Variants in TAF1C observed in about 807,000 individuals in gnomAD.
The protein encoded by TAF1C is TATA-box binding protein associated factor, RNA polymerase I subunit C, also known as TATA box-binding protein-associated factor RNA polymerase I subunit C.
Under a neutral mutation model 70.5 loss-of-function variants are expected in TAF1C, and 79 were observed. The observed-to-expected ratio is 1.12, with a 90% CI of 0.93 to 1.35. The LOEUF (loss-of-function observed/expected upper bound fraction) is 1.35, where lower values mean the gene tolerates loss of function less well. Ranked by LOEUF, TAF1C falls within the 40% of genes most tolerant of loss-of-function variation. TAF1C has a pLI of 0.00. For synonymous variants in TAF1C, 614 were observed against 491.1 expected (o/e 1.25, Z -3.31); for missense variants, 1,412 against 1,127.8 (o/e 1.25, Z -3.61).
At position 84,185,147 on chromosome 16, in the gene TAF1C, A is replaced by G; in HGVS notation, c.-72-87T>C. ...ACAAATATGTAGCCCAAGGCCAAGC[A>G]GTAGTGAGAACTGTATTAAAGCCAA... is the stretch of plus-strand genomic sequence containing the variant. On this transcript the variant is annotated intron_variant, in intron 1 of 14. Transcript: ENST00000566732. The G allele has an allele frequency of 9.2e-6, 8 of 867,076 alleles. No individual in the cohort carries two copies. The South Asian group carries it at 1.5e-4, about 17-fold the overall frequency. 53.7% of individuals were successfully genotyped at this position (867,076 alleles called of 1,614,324 possible). A position where few individuals can be genotyped will look rare whatever the true frequency, so the allele number is the denominator to read the frequency against.
In TAF1C at chr16:84,179,603, G is replaced by C. The variant is rs767051955; in HGVS notation, c.1870C>G (p.Pro624Ala). Residue 624 changes from proline to alanine, a missense_variant, in exon 15 of 15, where the codon CCT (proline) becomes GCT (alanine). Pro to Ala is a conservative substitution (Grantham distance 27). Coordinates refer to ENST00000566732, the MANE Select transcript of TAF1C (RefSeq NM_001243156.2). Reference sequence around the variant, plus strand: ...AAGGTGGGTGCTGTCCACACAGGAGGAGCCAGGGGCACTTTTAGCAGGGCC... The same window carrying C: ...AAGGTGGGTGCTGTCCACACAGGAGCAGCCAGGGGCACTTTTAGCAGGGCC... ...LKALLKVPLA[P>A]PVWTAPTFTH... The C allele has an allele frequency of 1.2e-5, 20 of 1,612,638 alleles. 1 individual carries two copies. Among genetic ancestry groups the C allele is most frequent in the South Asian group, 1.1e-4 (10 of 91,064 alleles).
At chr16:84,184,815 C>T in intron 2 of TAF1C, 36 bp downstream of exon 2, 1 of 1,568,132 alleles carries the variant, frequency 6.4e-7, no homozygotes, top group African/African-American at 1.4e-5. Flanking sequence ...AAGGGATGTC[C>T]CTGGAGCTGC....
chr16:84,186,658 T>C (rs2089504416), intron 1 of TAF1C, among the ~76,000 whole-genome samples: 1 of 152,180 alleles, frequency 6.6e-6, no homozygotes, highest in Non-Finnish European at 1.5e-5. Flanking sequence ...ACAAAAGCCC[T>C]CAGACAAGGC....
rs970239714 is a variant in TAF1C at position 84,182,949 on chromosome 16, C to A, written c.482+127G>T. 1.2e-5 allele frequency: 11 copies of A among 909,300 alleles called. No individual in the cohort carries two copies. The African/African-American group carries it at 1.3e-4, about 11-fold the overall frequency. The allele number at this position is 909,300 out of a possible 1,614,324, so 56.3% of individuals were successfully genotyped here. A position where few individuals can be genotyped will look rare whatever the true frequency, so the allele number is the denominator to read the frequency against. ...GTTGGAAGTCTGGTATAAGAAAGTA[C>A]AGCTCAGACTGCATGGAGCAGGGGG... On this transcript the variant is annotated intron_variant, in intron 6 of 14. Transcript: ENST00000566732. The surrounding 1 kb of genome is among the most constrained non-coding windows in gnomAD (Gnocchi z 5.0).
At position 84,186,971 on chromosome 16, in the gene TAF1C, C is replaced by T. The variant is rs887964162; in HGVS notation, c.-143G>A. 1 of 152,250 alleles carries T rather than the reference C, an allele frequency of 6.6e-6. No homozygotes were observed. Among genetic ancestry groups the T allele is most frequent in the African/African-American group, 2.4e-5 (1 of 41,470 alleles). 9.4% of individuals were successfully genotyped at this position (152,250 alleles called of 1,614,324 possible). A position where few individuals can be genotyped will look rare whatever the true frequency, so the allele number is the denominator to read the frequency against. On this transcript the variant is annotated 5_prime_UTR_variant, in exon 1 of 15. It adds an upstream start codon to the 5' untranslated region. Transcript: ENST00000566732. ...TGATGCTCGCCGGACCCTGGCACCA[C>T]GAGGGAAATCTCAAGTAGAACCCCA...
chr16:84,186,904 AC>A lies in TAF1C; in HGVS notation c.-77del, dbSNP rs1360401914. 6.6e-6 allele frequency: 1 copy of A among 152,136 alleles called. No individual in the cohort carries two copies. The highest frequency in any genetic ancestry group is 1.5e-5 in the Non-Finnish European group (1 of 68,018). 9.4% of individuals were successfully genotyped at this position (152,136 alleles called of 1,614,324 possible). ...GGGGGCGCATGCGTGCACTTACGTG[AC>A]CCCGGCCTCGTCGTGGTCGTCTGGA... On this transcript the variant is annotated 5_prime_UTR_variant, in exon 1 of 15. Transcript: ENST00000566732.
chr16:84,183,298 G>C lies in TAF1C; in HGVS notation c.354C>G (p.Ala118=). The C allele has an allele frequency of 6.2e-7, 1 of 1,613,988 alleles. No individual in the cohort carries two copies. Among genetic ancestry groups the C allele is most frequent in the East Asian group, 2.2e-5 (1 of 44,880 alleles). ...GCATCAGCTTCCCCAGGGGCGCAAAGGCTACGTCTCCATGATCCAAGAGGA... is the reference window on the plus strand; with the variant it reads ...GCATCAGCTTCCCCAGGGGCGCAAACGCTACGTCTCCATGATCCAAGAGGA... ...SRFLLDHGDV[A]FAPLGKLMLE... is the part of the protein sequence containing the mutation. The change falls in exon 5 of 15, where the codon GCC becomes GCG. Residue 118 remains alanine, a synonymous_variant. Coordinates refer to ENST00000566732, the MANE Select transcript of TAF1C (RefSeq NM_001243156.2).
At position 84,186,968 on chromosome 16, in the gene TAF1C, C is replaced by A. The variant is rs1197211912; in HGVS notation, c.-140G>T. 2 of 152,282 alleles carry A rather than the reference C, an allele frequency of 1.3e-5. No individual in the cohort carries two copies. Among genetic ancestry groups the A allele is most frequent in the Non-Finnish European group, 2.9e-5 (2 of 68,056 alleles). The allele number at this position is 152,282 out of a possible 1,614,324, so 9.4% of individuals were successfully genotyped here. On this transcript the variant is annotated 5_prime_UTR_variant, in exon 1 of 15. Transcript: ENST00000566732. Reference sequence around the variant, plus strand: ...GCGTGATGCTCGCCGGACCCTGGCACCACGAGGGAAATCTCAAGTAGAACC... The same window carrying A: ...GCGTGATGCTCGCCGGACCCTGGCAACACGAGGGAAATCTCAAGTAGAACC...
At position 84,183,720 on chromosome 16, in the gene TAF1C, A is replaced by T; in HGVS notation, c.197T>A (p.Leu66His). The T allele has an allele frequency of 6.2e-7, 1 of 1,612,874 alleles. No individual in the cohort carries two copies. Among genetic ancestry groups the T allele is most frequent in the Non-Finnish European group, 8.5e-7 (1 of 1,179,300 alleles). ...ACCGATGAGGGGAGGCAGCATGGGG[A>T]GAGGCCCAGGGGTTGCCGGCTCCCA... ...LLWEPATPGPLPMLPPLIDPW... is the reference protein window; with the variant it reads ...LLWEPATPGPHPMLPPLIDPW... The change falls in exon 3 of 15, where the codon CTC becomes CAC. Residue 66 changes from leucine (L) to histidine (H), a missense_variant. Leu to His is a moderately conservative substitution (Grantham distance 99). Transcript: ENST00000566732.
rs1473439453 is a variant in TAF1C at position 84,185,089 on chromosome 16, G to A, written c.-72-29C>T. 9.8e-5 allele frequency: 136 copies of A among 1,394,092 alleles called. 1 individual carries two copies. The East Asian group carries it at 3.3e-3, about 34-fold the overall frequency. 86.4% of individuals were successfully genotyped at this position (1,394,092 alleles called of 1,614,324 possible). On this transcript the variant is annotated intron_variant, in intron 1 of 14. Transcript: ENST00000566732. ...AGGAGTGAAAAGTGCACTACGGGAA[G>A]CATATGTTCTTTGAGGAAGCAGATA... is the stretch of plus-strand genomic sequence containing the variant.
Position 84,178,042 on chromosome 16 carries a change from C to G in TAF1C, c.*899G>C, listed in dbSNP as rs577559079. The G allele has an allele frequency of 5.2e-6, 3 of 576,654 alleles. No homozygotes were observed. The allele number at this position is 576,654 out of a possible 1,614,324, so 35.7% of individuals were successfully genotyped here. A position where few individuals can be genotyped will look rare whatever the true frequency, so the allele number is the denominator to read the frequency against. ...CATCAGAAACCAGACAGACCCGGGT[C>G]CCTGCAAAATCTCAAGTGAGCATTT... is the stretch of plus-strand genomic sequence containing the variant. On this transcript the variant is annotated 3_prime_UTR_variant, in exon 15 of 15. Transcript: ENST00000566732.
Position 84,181,134 on chromosome 16 carries a change from C to A in TAF1C, c.1217G>T (p.Cys406Phe). ...LLFRLGAEAS[C>F]QKGERVLLTQ... ...AAGCAGGACACGTTCCCCTTTCTGG[C>A]ACGAAGCCTCTGCCCCCAAACGAAA... is the stretch of plus-strand genomic sequence containing the variant. The change falls in exon 12 of 15, where the codon TGC becomes TTC. Residue 406 changes from cysteine (C) to phenylalanine (F), a missense_variant. By Grantham distance (205) the Cys-to-Phe change is radical. Coordinates refer to ENST00000566732, the MANE Select transcript of TAF1C (RefSeq NM_001243156.2). 1.9e-6 allele frequency: 3 copies of A among 1,612,894 alleles called. No individual in the cohort carries two copies. The highest frequency in any genetic ancestry group is 1.1e-5 in the South Asian group (1 of 91,068).
chr16:84,180,062 C>T lies in TAF1C; in HGVS notation c.1505G>A (p.Arg502His), dbSNP rs200808378. Residue 502 changes from arginine to histidine, a missense_variant, in exon 14 of 15, where the codon CGC becomes CAC. Arg to His is a conservative substitution (Grantham distance 29). Transcript: ENST00000566732. ...HLAGEGASVP[R>H]LAGPPQSLPS... The stretch of plus-strand genomic sequence containing the variant: ...AAGAGACTGGGGGGGGCCTGCCAGG[C>T]GGGGCACCGACGCCCCTTCTCCTGA... 1.6e-4 allele frequency: 256 copies of T among 1,602,084 alleles called. 3 individuals are homozygous for T. The Admixed American group carries it at 3.2e-3, about 20-fold the overall frequency.
Position 84,179,122 on chromosome 16 carries a change from T to C in TAF1C, c.2351A>G (p.Glu784Gly), listed in dbSNP as rs1220900495. 1.9e-6 allele frequency: 3 copies of C among 1,609,462 alleles called. No homozygotes were observed. The East Asian group carries it at 6.7e-5, about 36-fold the overall frequency. The change falls in exon 15 of 15, where the codon GAG becomes GGG. Residue 784 changes from glutamate to glycine, a missense_variant. By Grantham distance (98) the Glu-to-Gly change is moderately conservative. Coordinates refer to ENST00000566732, the MANE Select transcript of TAF1C (RefSeq NM_001243156.2). ...GTAGTCACGGAGCATCTGCCGCTGCTCTGATGGGACGCCCTGGGCGCATGC... is the reference window on the plus strand; with the variant it reads ...GTAGTCACGGAGCATCTGCCGCTGCCCTGATGGGACGCCCTGGGCGCATGC... ...PDACAQGVPS[E>G]QRQMLRDYMA... is the part of the protein sequence containing the mutation.
At chr16:84,180,879 G>C (rs538551616) in intron 12 of TAF1C, 164 bp downstream of exon 12, 33 of 1,422,824 alleles carry the variant, frequency 2.3e-5, no homozygotes, top group African/African-American at 2.2e-4. Context: ...TGTTAGCACC[G>C]ACTGTGGGAT....
At chr16:84,184,706 C>A (rs1157080286) in intron 2 of TAF1C, 145 bp downstream of exon 2, 2 of 1,067,438 alleles carry the variant, frequency 1.9e-6, no homozygotes, top group Admixed American at 2.7e-5. Context: ...CCATGTACCC[C>A]AGAGGAGGTG....
chr16:84,180,428 A>C, intron 12 of TAF1C, 84 bp from the exon 13 acceptor site: 2 of 1,386,470 alleles, frequency 1.4e-6, no homozygotes, highest in Middle Eastern at 1.8e-4. Context: ...GTGGCTCTCC[A>C]GGTGAGTGCA....
rs1011573423 is a variant in TAF1C at position 84,179,028 on chromosome 16, G to A, written c.2445C>T (p.Ser815=). Residue 815 remains serine (S), a synonymous_variant, in exon 15 of 15, where the codon TCC becomes TCT. Coordinates refer to ENST00000566732, the MANE Select transcript of TAF1C (RefSeq NM_001243156.2). ...CATTPPHSQA[S]SVRATRSQQH... The stretch of plus-strand genomic sequence containing the variant: ...GCTGGGAGCGAGTGGCCCGGACGCT[G>A]GAGGCCTGGGAGTGGGGAGGTGTGG... The A allele has an allele frequency of 2.5e-6, 4 of 1,610,588 alleles. No homozygotes were observed. Among genetic ancestry groups the A allele is most frequent in the African/African-American group, 2.7e-5 (2 of 74,952 alleles).
chr16:84,181,775 C>T lies in TAF1C; in HGVS notation c.927G>A (p.Val309=), dbSNP rs755385017. Residue 309 remains valine, a synonymous_variant, in exon 9 of 15, where the codon GTG becomes GTA. Transcript: ENST00000566732. ...GGCTGATCCCCGTGGCCCCTTTCTC[C>T]ACCTGCATTGCCTGCAGAAGGGTTG... ...WQPTLLQAMQ[V]EKGATGISLS... is the part of the protein sequence containing the mutation. 2.5e-6 allele frequency: 4 copies of T among 1,614,140 alleles called. No individual in the cohort carries two copies. The highest frequency in any genetic ancestry group is 2.5e-6 in the Non-Finnish European group (3 of 1,180,004).
Sources: allele counts gnomAD v4.1 joint callset (sites outside exome capture counted in the v4.1 genomes callset), GRCh38; gene constraint gnomAD v4.1.1; non-coding constraint Gnocchi (gnomAD v3.1); transcripts MANE v1.5; gene names NCBI Gene and HGNC (gene_info 2026-07-23, HGNC 2026-07-21).